The following NTN1 variants were observed in gnomAD, a reference collection of about 807,000 sequenced individuals.
The protein encoded by NTN1 is netrin 1.
A neutral mutation model predicts 54.2 loss-of-function variants in NTN1; 11 were observed. The observed-to-expected ratio is 0.20, with a 90% CI of 0.13 to 0.34. The LOEUF (loss-of-function observed/expected upper bound fraction) is 0.34. NTN1 is among the 10% of genes least tolerant of loss of function. NTN1 has a pLI of 1.00. For missense variants in NTN1, 740 were observed against 893.1 expected, an observed-to-expected ratio of 0.83 and a Z score of 2.18; for synonymous variants, 371 against 382.0, an observed-to-expected ratio of 0.97 and a Z score of 0.33.
chr17:9,086,801 C>T (rs1409994795), intron 2 of NTN1, among the ~76,000 whole-genome samples: 2 of 152,110 alleles, frequency 1.3e-5, no homozygotes, highest in Non-Finnish European at 2.9e-5. Context: ...ACCACCTGCA[C>T]CATCACCATC....
At position 9,243,414 on chromosome 17, in the gene NTN1, A is replaced by AG. The variant is rs1195455005; in HGVS notation, c.*3447dup. 1.4e-5 allele frequency: 2 copies of AG among 139,028 alleles called. No homozygotes were observed. The highest frequency in any genetic ancestry group is 4.0e-4 in the East Asian group (2 of 5,028). 8.6% of individuals were successfully genotyped at this position (139,028 alleles called of 1,614,324 possible). On this transcript the variant is annotated 3_prime_UTR_variant, in exon 7 of 7. Transcript: ENST00000173229. ...TTGGAATGAGACTGAACTCAAGAAG[A>AG]GACCCTAAGGGACTGGGGAATGGTT...
the NTN1 span, among the ~76,000 whole-genome samples, chr17:9,013,596 C>T: frequency 1.3e-5 from 2 of 152,172 alleles, no homozygotes; most frequent in Admixed American, 1.3e-4. Flanking sequence ...GATCCATCAC[C>T]TGCTAACCTG....
chr17:9,107,430 C>T (rs577593643), intron 2 of NTN1, among the ~76,000 whole-genome samples: 24 of 152,226 alleles, frequency 1.6e-4, no homozygotes, highest in African/African-American at 5.1e-4. Context: ...ACTTACTCCC[C>T]GGTTATGACT....
chr17:9,141,000 T>TGGGTAGTGC (rs2092296044), intron 2 of NTN1, among the ~76,000 whole-genome samples: 1 of 152,038 alleles, frequency 6.6e-6, no homozygotes, highest in South Asian at 2.1e-4. Context: ...CTTGCACGTG[T>TGGGTAGTGC]GGGTAGATGA....
chr17:9,121,161 G>A (rs530628475), intron 2 of NTN1, among the ~76,000 whole-genome samples: 14 of 152,204 alleles, frequency 9.2e-5, no homozygotes, highest in South Asian at 6.2e-4. Context: ...CCCTGCAGCC[G>A]CTTGTTCATG....
chr17:9,004,654 G>A, the NTN1 span, among the ~76,000 whole-genome samples: 1 of 152,242 alleles, frequency 6.6e-6, no homozygotes, highest in Non-Finnish European at 1.5e-5. Flanking sequence ...CCTTCAGCCA[G>A]GCTGTGGCGC....
Position 9,221,588 on chromosome 17 carries a change from G to A in NTN1, c.1486+346G>A, listed in dbSNP as rs3785988. Among the ~76,000 whole-genome samples, 25,047 of 152,214 alleles carry A rather than the reference G, an allele frequency of 0.16. 2,174 individuals are homozygous for A. Among genetic ancestry groups the A allele is most frequent in the South Asian group, 0.23 (1,099 of 4,820 alleles). On this transcript the variant is annotated intron_variant, in intron 6 of 6. Coordinates refer to ENST00000173229, the MANE Select transcript of NTN1 (RefSeq NM_004822.3). The surrounding 1 kb of genome is among the most constrained non-coding windows in gnomAD (Gnocchi z 4.5). ...CTTCTGTGTCTGCATCATACTGCGGGGATTTGACCCGAGTCCACGTGGCTC... is the reference window on the plus strand; with the variant it reads ...CTTCTGTGTCTGCATCATACTGCGGAGATTTGACCCGAGTCCACGTGGCTC...
intron 2 of NTN1, among the ~76,000 whole-genome samples, chr17:9,076,233 G>C (rs78292040): frequency 6.6e-6 from 1 of 152,138 alleles, no homozygotes; most frequent in Admixed American, 6.5e-5. Flanking sequence ...CCACCCAGGT[G>C]GGGAGGGTCT....
At chr17:9,205,917 C>G (rs1904957017) in intron 5 of NTN1, among the ~76,000 whole-genome samples, 1 of 152,236 alleles carries the variant, frequency 6.6e-6, no homozygotes, top group Non-Finnish European at 1.5e-5. Context: ...GGGTGGAAAG[C>G]ACTTTGGTGA....
At chr17:9,072,106 G>A (rs1441576535) in intron 2 of NTN1, among the ~76,000 whole-genome samples, 1 of 152,174 alleles carries the variant, frequency 6.6e-6, no homozygotes, top group African/African-American at 2.4e-5. Context: ...CTGGCAAGAT[G>A]CTTCTCGGGC....
rs554419887 is a variant in NTN1 at position 9,149,256 on chromosome 17, C to T, written c.1019-13557C>T. ...AGGGAAAAGAGATTGGAAGGAACCC[C>T]CCCCACACCCCCACACACACCCTGC... On this transcript the variant is annotated intron_variant, in intron 2 of 6. Transcript: ENST00000173229. Among the ~76,000 whole-genome samples, 58 of 151,662 alleles carry T rather than the reference C, an allele frequency of 3.8e-4. No individual in the cohort carries two copies. The South Asian group carries it at 0.011, about 30-fold the overall frequency.
chr17:9,020,389 C>A (rs1567690858), upstream of NTN1, among the ~76,000 whole-genome samples: 1 of 152,216 alleles, frequency 6.6e-6, no homozygotes, highest in Non-Finnish European at 1.5e-5. Flanking sequence ...TGTCACTGTC[C>A]TCAGTCTTTT....
intron 4 of NTN1, among the ~76,000 whole-genome samples, chr17:9,182,422 G>A (rs889211281): frequency 3.3e-5 from 5 of 152,256 alleles, no homozygotes; most frequent in African/African-American, 1.2e-4. Context: ...AACCTGGGCC[G>A]TGCTGCCAAC....
the NTN1 span, among the ~76,000 whole-genome samples, chr17:9,013,786 T>C: frequency 6.6e-6 from 1 of 152,158 alleles, no homozygotes; most frequent in Non-Finnish European, 1.5e-5. Context: ...CACTATTTTC[T>C]CCATCTGGAG....
At chr17:9,169,944 T>G (rs1159144881) in intron 3 of NTN1, among the ~76,000 whole-genome samples, 2 of 152,228 alleles carry the variant, frequency 1.3e-5, no homozygotes, top group Non-Finnish European at 2.9e-5. Flanking sequence ...TCCTGATCAT[T>G]GAGCTCCCCA....
chr17:9,189,952 G>A (rs1271279110), intron 5 of NTN1, among the ~76,000 whole-genome samples: 1 of 152,196 alleles, frequency 6.6e-6, no homozygotes, highest in Non-Finnish European at 1.5e-5. Flanking sequence ...AGACAGGGCA[G>A]ACAAATCAGC....
Position 9,075,840 on chromosome 17 carries a change from G to A in NTN1, c.1018+52449G>A, listed in dbSNP as rs538456833. On this transcript the variant is annotated intron_variant, in intron 2 of 6. Coordinates refer to ENST00000173229, the MANE Select transcript of NTN1 (RefSeq NM_004822.3). ...TGTTTCCCCAGGGGGAAAATACCCC[G>A]CCTGGAATGGGTCAGTGGTTGGCAA... Among the ~76,000 whole-genome samples, 21 of 152,242 alleles carry A rather than the reference G, an allele frequency of 1.4e-4. 1 individual carries two copies. The South Asian group carries it at 3.1e-3, about 23-fold the overall frequency.
At chr17:9,210,631 G>A (rs905912126) in intron 5 of NTN1, among the ~76,000 whole-genome samples, 1 of 151,974 alleles carries the variant, frequency 6.6e-6, no homozygotes, top group Non-Finnish European at 1.5e-5. Flanking sequence ...GCCTCACCTC[G>A]GCCGGTCGCT....
At chr17:9,036,743 G>A (rs75400920) in intron 2 of NTN1, among the ~76,000 whole-genome samples, 1 of 152,262 alleles carries the variant, frequency 6.6e-6, no homozygotes, top group East Asian at 1.9e-4. Context: ...CTGCCTTCCT[G>A]AGGACTTCTT....
Sources: gnomAD v4.1 joint callset for allele counts (sites outside exome capture counted in the v4.1 genomes callset) on GRCh38, gnomAD v4.1.1 for gene constraint, Gnocchi (gnomAD v3.1) non-coding constraint, MANE v1.5 for transcripts, NCBI Gene and HGNC (gene_info 2026-07-23, HGNC 2026-07-21) for gene names.